The following ANK2 variants were observed in gnomAD, a reference collection of about 807,000 sequenced individuals.
The protein encoded by ANK2 is ankyrin 2, also known as ankyrin-2.
In ANK2, 83 loss-of-function variants were observed where a neutral mutation model predicts 360.5. That is an observed-to-expected ratio of 0.23 (90% CI 0.19 to 0.28). ANK2 has a LOEUF of 0.28. Ranked by LOEUF, ANK2 falls within the 10% of genes least tolerant of loss-of-function variation. The pLI is 1.00. For missense variants in ANK2, 4,201 were observed against 4,795.7 expected, an observed-to-expected ratio of 0.88 and a Z score of 3.66; for synonymous variants, 1,740 against 1,759.5, an observed-to-expected ratio of 0.99 and a Z score of 0.28.
the ANK2 span, among the ~76,000 whole-genome samples, chr4:112,759,803 A>G: frequency 6.6e-6 from 1 of 152,114 alleles, no homozygotes; most frequent in Non-Finnish European, 1.5e-5. Flanking sequence ...ACGTTCATAT[A>G]TATATATTTT....
intron 13 of ANK2, among the ~76,000 whole-genome samples, chr4:113,263,696 A>G (rs2153654502): frequency 6.6e-6 from 1 of 152,352 alleles, no homozygotes; most frequent in South Asian, 2.1e-4. Flanking sequence ...AATCAAATTT[A>G]GTTTATTTGG....
At chr4:112,996,888 G>A (rs1303341375) in intron 2 of ANK2, among the ~76,000 whole-genome samples, 2 of 151,566 alleles carry the variant, frequency 1.3e-5, no homozygotes, top group Admixed American at 1.3e-4. Flanking sequence ...CTACCTCCCC[G>A]ATCCCCAGCC....
rs772619786 is a variant in ANK2, at chr4:113,258,364, GTCC to G, written c.1344_1346del (p.Leu451del). ...TGCCTTCATGGGCCACTTGAACATT[GTCC>G]TCCTTCTGCTGCAGAACGGAGCCTC... On this transcript the variant is annotated inframe_deletion, in exon 13 of 46. Coordinates refer to ENST00000357077, the MANE Select transcript of ANK2 (RefSeq NM_001148.6). 1 of 1,614,138 alleles carries G rather than the reference GTCC, an allele frequency of 6.2e-7. No individual in the cohort carries two copies. The highest frequency in any genetic ancestry group is 8.5e-7 in the Non-Finnish European group (1 of 1,180,018).
intron 2 of ANK2, among the ~76,000 whole-genome samples, chr4:112,922,306 C>G (rs976746428): frequency 6.6e-6 from 1 of 152,112 alleles, no homozygotes; most frequent in African/African-American, 2.4e-5. Context: ...TTCATGTAGC[C>G]CAAGGGTCCT....
At chr4:112,874,080 C>CTTTTTT (rs544871774) in intron 1 of ANK2, among the ~76,000 whole-genome samples, 4 of 122,112 alleles carry the variant, frequency 3.3e-5, no homozygotes, top group African/African-American at 9.2e-5. Context: ...TTGGGGTTCT[C>CTTTTTT]TTTTTTTTTT....
At chr4:113,204,265 T>C in intron 4 of ANK2, among the ~76,000 whole-genome samples, 1 of 151,556 alleles carries the variant, frequency 6.6e-6, no homozygotes, top group Admixed American at 6.6e-5. Context: ...TATTTTTACA[T>C]GATAAAAAAG....
the ANK2 span, chr4:112,738,674 G>A: frequency 5.2e-6 from 3 of 582,110 alleles, no homozygotes; most frequent in South Asian, 4.1e-5. Flanking sequence ...TCAGCATCAC[G>A]GCTGCCCTCA....
chr4:113,083,901 T>C (rs755013603), intron 1 of ANK2, among the ~76,000 whole-genome samples: 29 of 152,316 alleles, frequency 1.9e-4, no homozygotes, highest in African/African-American at 5.8e-4. Context: ...TGCCATAACA[T>C]AGAAGCATAA....
chr4:113,355,260 G>A lies in ANK2; in HGVS notation c.6642G>A (p.Pro2214=), dbSNP rs775073103. ...SLKNEGVAGS[P]CGSLMEGTPQ... ...AGAATGAGGGGGTAGCCGGCTCTCC[G>A]TGTGGCAGCCTGATGGAGGGGACCC... The change falls in exon 38 of 46, where the codon CCG becomes CCA. Residue 2214 remains proline, a synonymous_variant. Coordinates refer to ENST00000357077, the MANE Select transcript of ANK2 (RefSeq NM_001148.6). 5 of 1,614,052 alleles carry A rather than the reference G, an allele frequency of 3.1e-6. No individual in the cohort carries two copies. Among genetic ancestry groups the A allele is most frequent in the Admixed American group, 3.3e-5 (2 of 60,016 alleles).
chr4:112,984,055 C>A (rs2044034120), intron 2 of ANK2, among the ~76,000 whole-genome samples: 1 of 152,196 alleles, frequency 6.6e-6, no homozygotes, highest in Non-Finnish European at 1.5e-5. Context: ...AAGTTCTAGA[C>A]AAACTTTTGC....
intron 9 of ANK2, among the ~76,000 whole-genome samples, chr4:113,243,133 T>C (rs961973241): frequency 2.0e-5 from 3 of 152,156 alleles, no homozygotes; most frequent in African/African-American, 7.2e-5. Context: ...CTGGAGTAGA[T>C]TTGGTTAATC....
At position 113,105,246 on chromosome 4, in the gene ANK2, G is replaced by A. The variant is rs146821321; in HGVS notation, c.84+55434G>A. Among the ~76,000 whole-genome samples the A allele has an allele frequency of 7.5e-4, 114 of 152,200 alleles. 1 individual carries two copies. The highest frequency in any genetic ancestry group is 2.6e-3 in the African/African-American group (108 of 41,560). On this transcript the variant is annotated intron_variant, in intron 1 of 45. Transcript: ENST00000357077. ...AAGTTTAAACTTTTTTATCTGAACC[G>A]AGATGCAAAAGTAAATTGGTTCTGT...
Position 113,250,762 on chromosome 4 carries a change from C to CCA in ANK2, c.990+901_990+902insAC, listed in dbSNP as rs980441965. Among the ~76,000 whole-genome samples, 34 of 136,930 alleles carry CCA rather than the reference C, an allele frequency of 2.5e-4. 7 individuals are homozygous for CCA. Among genetic ancestry groups the CCA allele is most frequent in the South Asian group, 5.5e-4 (2 of 3,606 alleles). 89.8% of individuals were successfully genotyped at this position (136,930 alleles called of 152,430 possible). A position where few individuals can be genotyped will look rare whatever the true frequency, so the allele number is the denominator to read the frequency against. ...ATTCCACCTCATACCACCGCCCCCC[C>CCA]CCCCGACAGAGTTGGTATCAACTAA... On this transcript the variant is annotated intron_variant, in intron 10 of 45. Transcript: ENST00000357077.
the ANK2 span, among the ~76,000 whole-genome samples, chr4:112,806,571 T>G: frequency 6.6e-6 from 1 of 152,214 alleles, no homozygotes; most frequent in Non-Finnish European, 1.5e-5. Context: ...TGCCCATGCC[T>G]GTAATCCCAG....
chr4:113,204,174 C>T lies in ANK2; in HGVS notation c.384+5065C>T, dbSNP rs926049130. ...TCTCTAATTATAAAATCATTAAAATCGGAAGGAGCACTCTAAATAAAGCAA... is the reference window on the plus strand; with the variant it reads ...TCTCTAATTATAAAATCATTAAAATTGGAAGGAGCACTCTAAATAAAGCAA... On this transcript the variant is annotated intron_variant, in intron 4 of 45. Transcript: ENST00000357077. Among the ~76,000 whole-genome samples the T allele has an allele frequency of 3.3e-5, 5 of 151,812 alleles. 1 individual carries two copies. In the South Asian group the frequency reaches 1.0e-3, roughly 32 times the overall value.
At chr4:112,986,784 G>A (rs957663266) in intron 2 of ANK2, among the ~76,000 whole-genome samples, 2 of 152,208 alleles carry the variant, frequency 1.3e-5, no homozygotes, top group African/African-American at 4.8e-5. Flanking sequence ...TAATGGAGTA[G>A]GGGTAGCAGT....
chr4:113,306,329 T>C (rs562527641), intron 23 of ANK2, among the ~76,000 whole-genome samples: 26 of 151,976 alleles, frequency 1.7e-4, no homozygotes, highest in Non-Finnish European at 3.4e-4. Flanking sequence ...TAAGGAACAG[T>C]ATGGGAAAGT....
chr4:113,115,396 T>C (rs1218378100), intron 1 of ANK2, among the ~76,000 whole-genome samples: 1 of 152,208 alleles, frequency 6.6e-6, no homozygotes, highest in Non-Finnish European at 1.5e-5. Flanking sequence ...TCCCCATATA[T>C]GATAAAAACT....
intron 23 of ANK2, among the ~76,000 whole-genome samples, chr4:113,303,916 A>G (rs2076095348): frequency 6.6e-6 from 1 of 152,230 alleles, no homozygotes; most frequent in Non-Finnish European, 1.5e-5. Flanking sequence ...TCTTTAAGAT[A>G]AAATCATAAG....
Sources: gnomAD v4.1 joint callset for allele counts (sites outside exome capture counted in the v4.1 genomes callset) on GRCh38, gnomAD v4.1.1 for gene constraint, MANE v1.5 for transcripts, NCBI Gene and HGNC (gene_info 2026-07-23, HGNC 2026-07-21) for gene names.